Variants in GPC6 observed in about 807,000 individuals in gnomAD.
The protein encoded by GPC6 is glypican 6, also known as glypican-6.
GPC6 carries 14 observed loss-of-function variants against 55.2 expected under a neutral mutation model. That is an observed-to-expected ratio of 0.25 (90% confidence interval 0.17 to 0.40). The LOEUF (loss-of-function observed/expected upper bound fraction) is 0.40. Ranked by LOEUF, GPC6 falls within the 10% of genes least tolerant of loss-of-function variation. The probability of loss-of-function intolerance (pLI) is 1.00; values close to 1 mark genes in which losing one functional copy is unlikely to be tolerated. For synonymous variants in GPC6, 278 were observed against 259.6 expected, an observed-to-expected ratio of 1.07 and a Z score of -0.68; for missense variants, 641 against 708.5, an observed-to-expected ratio of 0.90 and a Z score of 1.08.
intron 6 of GPC6, among the ~76,000 whole-genome samples, chr13:94,373,843 C>A (rs1455535802): frequency 2.0e-5 from 3 of 151,964 alleles, no homozygotes; most frequent in African/African-American, 4.8e-5. Context: ...AAAGGGAAGC[C>A]CATCAGACTA....
intron 2 of GPC6, among the ~76,000 whole-genome samples, chr13:93,586,045 A>G (rs1263916836): frequency 1.3e-5 from 2 of 152,036 alleles, no homozygotes; most frequent in African/African-American, 4.8e-5. Context: ...TTTGTTGTAC[A>G]GATTATTCCA....
At chr13:94,349,616 T>C (rs1878442743) in intron 6 of GPC6, among the ~76,000 whole-genome samples, 2 of 152,160 alleles carry the variant, frequency 1.3e-5, no homozygotes, top group South Asian at 4.1e-4. Context: ...TGAGCAAACA[T>C]GTGCTAGTCT....
chr13:93,816,155 G>T (rs1566549468), intron 2 of GPC6, among the ~76,000 whole-genome samples: 1 of 151,900 alleles, frequency 6.6e-6, no homozygotes, highest in African/African-American at 2.4e-5. Context: ...AGTTTGGTCT[G>T]ATATCTATAA....
At chr13:93,750,842 C>G (rs1343532618) in intron 2 of GPC6, among the ~76,000 whole-genome samples, 1 of 152,160 alleles carries the variant, frequency 6.6e-6, no homozygotes, top group African/African-American at 2.4e-5. Flanking sequence ...TGAACTACCA[C>G]CATGGTGATT....
chr13:93,981,028 A>AT (rs879513126), intron 3 of GPC6, among the ~76,000 whole-genome samples: 22 of 152,266 alleles, frequency 1.4e-4, no homozygotes, highest in Middle Eastern at 6.8e-3. Flanking sequence ...TACCTCAAAT[A>AT]TTTTGTCCTC....
At chr13:93,859,740 G>A (rs977443783) in intron 3 of GPC6, among the ~76,000 whole-genome samples, 7 of 151,564 alleles carry the variant, frequency 4.6e-5, no homozygotes, top group Admixed American at 4.6e-4. Flanking sequence ...GAGCTACATT[G>A]GGAACTGTAG....
At chr13:93,623,065 C>T (rs1387692803) in intron 2 of GPC6, among the ~76,000 whole-genome samples, 2 of 152,164 alleles carry the variant, frequency 1.3e-5, no homozygotes, top group African/African-American at 4.8e-5. Context: ...CCATGTTCAT[C>T]CATGCCACCA....
chr13:93,757,034 C>G (rs1293828737), intron 2 of GPC6, among the ~76,000 whole-genome samples: 1 of 152,104 alleles, frequency 6.6e-6, no homozygotes, highest in Non-Finnish European at 1.5e-5. Context: ...TTTATGACTC[C>G]CTTGTTCTAC....
intron 4 of GPC6, among the ~76,000 whole-genome samples, chr13:94,079,494 TG>T (rs1252706347): frequency 6.6e-6 from 1 of 152,158 alleles, no homozygotes; most frequent in Non-Finnish European, 1.5e-5. Flanking sequence ...GTAGAGTCAT[TG>T]GGGTCTCTGC....
rs185024527 is a variant in GPC6 at position 94,325,565 on chromosome 13, A to G, written c.1152+19442A>G. Among the ~76,000 whole-genome samples the G allele has an allele frequency of 1.8e-3, 281 of 152,348 alleles. 1 individual carries two copies. Among genetic ancestry groups the G allele is most frequent in the Non-Finnish European group, 2.9e-3 (198 of 68,036 alleles). ...ATTTTCGGTTGAACTGATGATTAGG[A>G]GTAAAAGCTATGGCTCTATTGATTT... is the stretch of plus-strand genomic sequence containing the variant. On this transcript the variant is annotated intron_variant, in intron 6 of 8. Coordinates refer to ENST00000377047, the MANE Select transcript of GPC6 (RefSeq NM_005708.5).
At chr13:93,968,289 A>C (rs1216234525) in intron 3 of GPC6, among the ~76,000 whole-genome samples, 3 of 152,214 alleles carry the variant, frequency 2.0e-5, no homozygotes, top group African/African-American at 2.4e-5. Context: ...TTAAAATTTA[A>C]TTTTAAAGAA....
At chr13:93,823,724 G>C (rs551643591) in intron 2 of GPC6, among the ~76,000 whole-genome samples, 317 of 152,200 alleles carry the variant, frequency 2.1e-3, no homozygotes, top group African/African-American at 7.1e-3. Context: ...GTATATGGAG[G>C]GGAGGGACAT....
At position 93,830,520 on chromosome 13, in the gene GPC6, G is replaced by T; in HGVS notation, c.686G>T (p.Arg229Ile). The change falls in exon 3 of 9, where the codon AGA (arginine) becomes ATA (isoleucine). Residue 229 changes from arginine to isoleucine, a missense_variant. Arg to Ile is a moderately conservative substitution (Grantham distance 97). Transcript: ENST00000377047. ...TTTGTCCAGGGGCTGACTGTGGGCA[G>T]AGAAGTTGCAAACCGAGTTTCCAAG... ...RTFVQGLTVG[R>I]EVANRVSKVS... The T allele has an allele frequency of 6.2e-7, 1 of 1,606,932 alleles. No homozygotes were observed. The highest frequency in any genetic ancestry group is 8.5e-7 in the Non-Finnish European group (1 of 1,176,834).
chr13:93,292,319 G>T (rs1878345157), intron 1 of GPC6, among the ~76,000 whole-genome samples: 1 of 152,148 alleles, frequency 6.6e-6, no homozygotes, highest in Non-Finnish European at 1.5e-5. Flanking sequence ...TCATGATTTG[G>T]TGCCCTATGC....
chr13:94,106,538 G>A (rs1386510930), intron 4 of GPC6, among the ~76,000 whole-genome samples: 1 of 151,918 alleles, frequency 6.6e-6, no homozygotes, highest in East Asian at 1.9e-4. Flanking sequence ...AGTGAGGGAG[G>A]ATGGGAAGGA....
chr13:93,537,110 C>T (rs1049293421), intron 1 of GPC6, among the ~76,000 whole-genome samples: 1 of 152,068 alleles, frequency 6.6e-6, no homozygotes, highest in African/African-American at 2.4e-5. Context: ...CTCCATCACC[C>T]GCGCCCCAAA....
At chr13:93,797,295 T>G (rs868678713) in intron 2 of GPC6, among the ~76,000 whole-genome samples, 1 of 152,222 alleles carries the variant, frequency 6.6e-6, no homozygotes, top group Admixed American at 6.5e-5. Flanking sequence ...GTATAATTTC[T>G]TATGAATGAT....
At chr13:93,629,601 C>G (rs1879349093) in intron 2 of GPC6, among the ~76,000 whole-genome samples, 1 of 152,160 alleles carries the variant, frequency 6.6e-6, no homozygotes, top group African/African-American at 2.4e-5. Flanking sequence ...CTTAGACTTA[C>G]AGCCAATTGT....
intron 3 of GPC6, among the ~76,000 whole-genome samples, chr13:93,911,524 A>C (rs1876981286): frequency 6.6e-6 from 1 of 152,192 alleles, no homozygotes; most frequent in African/African-American, 2.4e-5. Flanking sequence ...AGATATAAAC[A>C]GGGACAATAG....
Sources: allele counts gnomAD v4.1 joint callset (sites outside exome capture counted in the v4.1 genomes callset), GRCh38; gene constraint gnomAD v4.1.1; transcripts MANE v1.5; gene names NCBI Gene and HGNC (gene_info 2026-07-23, HGNC 2026-07-21).